The following YIPF1 variants were observed in gnomAD, a reference collection of about 807,000 sequenced individuals.
The protein encoded by YIPF1 is Yip1 domain family member 1.
A neutral mutation model predicts 37.0 loss-of-function variants in YIPF1; 22 were observed. The observed-to-expected ratio is 0.59, with a 90% CI of 0.42 to 0.85. The LOEUF (loss-of-function observed/expected upper bound fraction) is 0.85. YIPF1 is among the 40% of genes least tolerant of loss of function. The pLI is 0.00. For synonymous variants in YIPF1, 128 were observed against 131.9 expected, an observed-to-expected ratio of 0.97 and a Z score of 0.21; for missense variants, 355 against 373.1, an observed-to-expected ratio of 0.95 and a Z score of 0.40.
chr1:53,882,500 G>A (rs949056569), intron 4 of YIPF1, among the ~76,000 whole-genome samples: 8 of 150,166 alleles, frequency 5.3e-5, no homozygotes, highest in Middle Eastern at 3.2e-3. Flanking sequence ...CTCTGTTGCC[G>A]AGGCTGGAGT....
In YIPF1 at chr1:53,860,273, T is replaced by C. The variant is rs566962579; in HGVS notation, c.832-120A>G. ...CACAGCCCCTAAGTTCTTCCTACCA[T>C]ATTTGCCATCACACTAAACTACAAC... On this transcript the variant is annotated intron_variant, in intron 9 of 10. Coordinates refer to ENST00000072644, the MANE Select transcript of YIPF1 (RefSeq NM_018982.5). 5.9e-6 allele frequency: 5 copies of C among 852,496 alleles called. No individual in the cohort carries two copies. The South Asian group carries it at 8.3e-5, about 14-fold the overall frequency. 52.8% of individuals were successfully genotyped at this position (852,496 alleles called of 1,614,324 possible).
At chr1:53,883,847 C>A (rs1214693646) in intron 3 of YIPF1, among the ~76,000 whole-genome samples, 2 of 151,448 alleles carry the variant, frequency 1.3e-5, no homozygotes, top group Non-Finnish European at 2.9e-5. Flanking sequence ...ACCAGCCTGG[C>A]CAACATGGTG....
chr1:53,888,284 G>A (rs1650709753), intron 3 of YIPF1, among the ~76,000 whole-genome samples: 1 of 152,140 alleles, frequency 6.6e-6, no homozygotes, highest in Non-Finnish European at 1.5e-5. Flanking sequence ...GTCAGGCTCT[G>A]GGTTATGAGT....
At position 53,870,160 on chromosome 1, in the gene YIPF1, C is replaced by CTTTTTTTTTTTTT. The variant is rs753978320; in HGVS notation, c.481+1199_481+1211dup. ...AGGCTTGAGCCACCGCACCGGGTCT[C>CTTTTTTTTTTTTT]TTTTTTTTTTTTTTTTTTTTTTTTT... On this transcript the variant is annotated intron_variant, in intron 7 of 10. Coordinates refer to ENST00000072644, the MANE Select transcript of YIPF1 (RefSeq NM_018982.5). 5.5e-5 allele frequency among the ~76,000 whole-genome samples: 5 copies of CTTTTTTTTTTTTT among 91,212 alleles called. 1 individual carries two copies. Among genetic ancestry groups the CTTTTTTTTTTTTT allele is most frequent in the Admixed American group, 2.6e-4 (2 of 7,580 alleles). 59.8% of individuals were successfully genotyped at this position (91,212 alleles called of 152,430 possible).
Position 53,878,725 on chromosome 1 carries a change from G to A in YIPF1, c.196-3C>T, listed in dbSNP as rs954855887. 3.1e-6 allele frequency: 5 copies of A among 1,590,654 alleles called. No homozygotes were observed. The highest frequency in any genetic ancestry group is 1.1e-5 in the South Asian group (1 of 87,038). ...CTTTTCTTCTGTCCAGCAAGTAACT[G>A]TCAGAAATAAAATAAAACATAATGA... On this transcript the variant is annotated splice_polypyrimidine_tract_variant and splice_region_variant and intron_variant, in intron 4 of 10. Coordinates refer to ENST00000072644, the MANE Select transcript of YIPF1 (RefSeq NM_018982.5).
At chr1:53,868,606 G>A (rs1288641668) in intron 7 of YIPF1, among the ~76,000 whole-genome samples, 1 of 152,200 alleles carries the variant, frequency 6.6e-6, no homozygotes, top group Admixed American at 6.5e-5. Flanking sequence ...TTTTAGAGAT[G>A]AGGAAAAGGG....
chr1:53,871,415 A>G lies in YIPF1; in HGVS notation c.438T>C (p.His146=). The change falls in exon 7 of 11, where the codon CAT becomes CAC. Residue 146 remains histidine, a synonymous_variant. Coordinates refer to ENST00000072644, the MANE Select transcript of YIPF1 (RefSeq NM_018982.5). ...ISGNLSNFLI[H]LGEKTYHYVP... is the part of the protein sequence containing the mutation. ...CATAATGGTACGTCTTCTCTCCCAG[A>G]TGGATCAAGAAGTTGGAAAGATTCC... The G allele has an allele frequency of 6.2e-7, 1 of 1,614,172 alleles. No homozygotes were observed. The highest frequency in any genetic ancestry group is 8.5e-7 in the Non-Finnish European group (1 of 1,179,996).
At chr1:53,882,718 C>T (rs1042576841) in intron 4 of YIPF1, among the ~76,000 whole-genome samples, 14 of 152,184 alleles carry the variant, frequency 9.2e-5, no homozygotes, top group African/African-American at 3.4e-4. Flanking sequence ...CTCAGCCTCC[C>T]AAAATGCTGG....
chr1:53,878,620 A>C, intron 5 of YIPF1, 22 bp downstream of exon 5: 1 of 1,596,736 alleles, frequency 6.3e-7, no homozygotes, highest in Non-Finnish European at 8.5e-7. Flanking sequence ...CGTAAAAGGA[A>C]AGGTGAAATT....
intron 3 of YIPF1, among the ~76,000 whole-genome samples, chr1:53,883,657 CTTT>C (rs1439012314): frequency 6.6e-6 from 1 of 152,172 alleles, no homozygotes; most frequent in Non-Finnish European, 1.5e-5. Context: ...AACTTTACTT[CTTT>C]GATTCAAGTC....
At chr1:53,869,471 C>T (rs1363433373) in intron 7 of YIPF1, among the ~76,000 whole-genome samples, 1 of 152,058 alleles carries the variant, frequency 6.6e-6, no homozygotes, top group African/African-American at 2.4e-5. Context: ...TTCCATTTCA[C>T]CAATGAAGAA....
In YIPF1 at chr1:53,853,936, G is replaced by T. The variant is rs1318260728; in HGVS notation, c.*9-1666C>A. 2.0e-5 allele frequency among the ~76,000 whole-genome samples: 3 copies of T among 152,134 alleles called. No homozygotes were observed. In the East Asian group the frequency reaches 5.8e-4, roughly 29 times the overall value. On this transcript the variant is annotated intron_variant, in intron 10 of 10. Transcript: ENST00000072644. The stretch of plus-strand genomic sequence containing the variant: ...GTTCCAAATCAATGTCAAGACTAGG[G>T]AAGAATATGAAGACTAGAAAATTCC...
rs1650187425 is a variant in YIPF1 at position 53,871,376 on chromosome 1, TC to T, written c.476del (p.Arg159GlnfsTer5). The T allele has an allele frequency of 6.2e-7, 1 of 1,613,212 alleles. No homozygotes were observed. The highest frequency in any genetic ancestry group is 8.5e-7 in the Non-Finnish European group (1 of 1,179,614). ...EKTYHYVPEF[R>X]KVSIAATIIY... ...TGAGTCAAGCTATTCACCAACCTTTTCGGAATTCGGGCACATAATGGTACGT... is the reference window on the plus strand; with the variant it reads ...TGAGTCAAGCTATTCACCAACCTTTTGGAATTCGGGCACATAATGGTACGT... On this transcript the variant is annotated frameshift_variant, in exon 7 of 11. Transcript: ENST00000072644. LOFTEE classifies it high-confidence loss of function.
chr1:53,853,336 G>A (rs1305589650), intron 10 of YIPF1, among the ~76,000 whole-genome samples: 1 of 152,206 alleles, frequency 6.6e-6, no homozygotes, highest in Non-Finnish European at 1.5e-5. Context: ...ATAAATGATG[G>A]TGCCATTCCC....
intron 6 of YIPF1, among the ~76,000 whole-genome samples, chr1:53,877,954 C>G (rs1052126999): frequency 6.6e-6 from 1 of 152,156 alleles, no homozygotes; most frequent in African/African-American, 2.4e-5. Context: ...TGTGCCAACC[C>G]AGCCTTTAGT....
chr1:53,882,852 T>G (rs1650538053), intron 4 of YIPF1: 2 of 294,776 alleles, frequency 6.8e-6, no homozygotes, highest in Admixed American at 5.2e-5. Context: ...CCTACTCTAA[T>G]ATTAGAAAAT....
intron 4 of YIPF1, among the ~76,000 whole-genome samples, chr1:53,882,620 G>T (rs1041745609): frequency 6.6e-6 from 1 of 152,050 alleles, no homozygotes; most frequent in African/African-American, 2.4e-5. Context: ...ACCATACTCG[G>T]CTAATATTTT....
chr1:53,887,114 T>A lies in YIPF1; in HGVS notation c.31+1793A>T, dbSNP rs926661578. Among the ~76,000 whole-genome samples the A allele has an allele frequency of 2.6e-5, 4 of 151,812 alleles. No homozygotes were observed. In the South Asian group the frequency reaches 6.2e-4, roughly 24 times the overall value. ...TTGTTTGTTTATGTTTGAGATGGAG[T>A]CTCGCTCTGTCGCCCAGGCTGGAGC... On this transcript the variant is annotated intron_variant, in intron 3 of 10. Transcript: ENST00000072644.
chr1:53,854,563 A>G (rs1649674176), intron 10 of YIPF1, among the ~76,000 whole-genome samples: 1 of 152,096 alleles, frequency 6.6e-6, no homozygotes, highest in Non-Finnish European at 1.5e-5. Context: ...AAACCTTCCA[A>G]TGTCACCACA....
Sources: allele counts gnomAD v4.1 joint callset (sites outside exome capture counted in the v4.1 genomes callset), GRCh38; gene constraint gnomAD v4.1.1; transcripts MANE v1.5; gene names NCBI Gene and HGNC (gene_info 2026-07-23, HGNC 2026-07-21).